The following TASOR variants were observed in gnomAD, a reference collection of about 807,000 sequenced individuals.
TASOR encodes the protein protein TASOR.
A neutral mutation model predicts 178.6 loss-of-function variants in TASOR; 53 were observed. The ratio of observed to expected loss-of-function variants is 0.30; its 90% CI spans 0.24 to 0.37. TASOR has a LOEUF of 0.37. TASOR is among the 10% of genes least tolerant of loss of function. The pLI is 1.00. For synonymous variants in TASOR, 713 were observed against 696.2 expected (o/e 1.02, Z -0.38); for missense variants, 1,815 against 1,971.4 (o/e 0.92, Z 1.50).
At chr3:56,656,917 G>T (rs904998115) in intron 11 of TASOR, among the ~76,000 whole-genome samples, 1 of 150,812 alleles carries the variant, frequency 6.6e-6, no homozygotes, top group African/African-American at 2.4e-5. Context: ...GGCTGATGCA[G>T]GAGAACTGCT....
chr3:56,648,170 G>A (rs189090605), intron 13 of TASOR, among the ~76,000 whole-genome samples: 4 of 152,102 alleles, frequency 2.6e-5, no homozygotes, highest in East Asian at 1.9e-4. Context: ...AGCCATGATC[G>A]CACCACTGCC....
At chr3:56,651,665 T>C (rs953824926) in intron 11 of TASOR, among the ~76,000 whole-genome samples, 3 of 150,512 alleles carry the variant, frequency 2.0e-5, no homozygotes, top group South Asian at 2.1e-4. Context: ...CCACGCACTA[T>C]AGCACCTCAG....
At chr3:56,646,252 T>C (rs966093170) in intron 14 of TASOR, among the ~76,000 whole-genome samples, 5 of 152,250 alleles carry the variant, frequency 3.3e-5, no homozygotes, top group African/African-American at 7.2e-5. Flanking sequence ...AGGGCAGGAA[T>C]TGTAAAGTGT....
At position 56,621,159 on chromosome 3, in the gene TASOR, C is replaced by CAAA. The variant is rs370427287; in HGVS notation, c.*1875_*1877dup. On this transcript the variant is annotated 3_prime_UTR_variant, in exon 24 of 24. Coordinates refer to ENST00000683822, the MANE Select transcript of TASOR (RefSeq NM_001365635.2). ...GGGCGACAGAGCGAGACTCCATCTC[C>CAAA]AAAAAAAAACAAAACAACAACAACA... 7.2e-3 allele frequency: 1,027 copies of CAAA among 142,622 alleles called. 15 individuals are homozygous for CAAA. Among genetic ancestry groups the CAAA allele is most frequent in the African/African-American group, 0.023 (896 of 38,404 alleles). 8.8% of individuals were successfully genotyped at this position (142,622 alleles called of 1,614,324 possible). A position where few individuals can be genotyped will look rare whatever the true frequency, so the allele number is the denominator to read the frequency against.
chr3:56,624,791 A>G lies in TASOR; in HGVS notation c.4318+37T>C, dbSNP rs368247313. ...ATAAAATCCTTTCATTCACATTCCT[A>G]TATTCATAGTAGAAAGCTTAGGAGT... On this transcript the variant is annotated intron_variant, in intron 22 of 23. Coordinates refer to ENST00000683822, the MANE Select transcript of TASOR (RefSeq NM_001365635.2). 3.4e-5 allele frequency: 54 copies of G among 1,600,430 alleles called. No homozygotes were observed. In the African/African-American group the frequency reaches 6.2e-4, roughly 18 times the overall value.
intron 14 of TASOR, among the ~76,000 whole-genome samples, chr3:56,645,452 A>G (rs1306387649): frequency 2.0e-5 from 3 of 152,244 alleles, no homozygotes; most frequent in South Asian, 2.1e-4. Context: ...AATAAAAAGC[A>G]TAAGAATATT....
chr3:56,674,571 T>C (rs2031102444), intron 1 of TASOR, among the ~76,000 whole-genome samples: 1 of 152,074 alleles, frequency 6.6e-6, no homozygotes, highest in Non-Finnish European at 1.5e-5. Context: ...CCACAAAAAG[T>C]AGTAGAACAT....
At chr3:56,652,556 T>TAA (rs11361541) in intron 11 of TASOR, among the ~76,000 whole-genome samples, 1 of 141,882 alleles carries the variant, frequency 7.0e-6, no homozygotes, top group Non-Finnish European at 1.5e-5. Context: ...CCTGCCTATT[T>TAA]AAAAAAAAAA....
At chr3:56,653,812 T>C (rs916946716) in intron 11 of TASOR, among the ~76,000 whole-genome samples, 1 of 151,804 alleles carries the variant, frequency 6.6e-6, no homozygotes, top group Non-Finnish European at 1.5e-5. Context: ...TATATCAAAG[T>C]TAAAAAAAAA....
intron 1 of TASOR, among the ~76,000 whole-genome samples, chr3:56,679,958 C>T (rs1242766618): frequency 6.6e-6 from 1 of 152,082 alleles, no homozygotes; most frequent in Non-Finnish European, 1.5e-5. Flanking sequence ...TCAGTACCAA[C>T]CAAATGTTGA....
chr3:56,669,379 T>C (rs1419275107), intron 5 of TASOR, among the ~76,000 whole-genome samples: 1 of 152,062 alleles, frequency 6.6e-6, no homozygotes, highest in East Asian at 1.9e-4. Context: ...GGCGGGCACT[T>C]GTAGTCCCAG....
At chr3:56,623,724 C>G in intron 23 of TASOR, 158 bp from the exon 24 acceptor site, 1 of 1,546,778 alleles carries the variant, frequency 6.5e-7, no homozygotes, top group Non-Finnish European at 8.7e-7. Flanking sequence ...AGTCACAACA[C>G]TCACACTAGA....
rs537302425 is a variant in TASOR at position 56,659,127 on chromosome 3, T to G, written c.1368+1604A>C. 8.9e-4 allele frequency among the ~76,000 whole-genome samples: 135 copies of G among 152,294 alleles called. 1 individual carries two copies. Among genetic ancestry groups the G allele is most frequent in the Non-Finnish European group, 1.1e-3 (77 of 68,030 alleles). On this transcript the variant is annotated intron_variant, in intron 11 of 23. Coordinates refer to ENST00000683822, the MANE Select transcript of TASOR (RefSeq NM_001365635.2). ...ATAAACAACAGACTGATTAAGCACA[T>G]ATATATGAAAATAATTAAATTCTAT...
intron 23 of TASOR, among the ~76,000 whole-genome samples, chr3:56,624,053 A>T (rs1214006961): frequency 6.6e-6 from 1 of 152,196 alleles, no homozygotes; most frequent in East Asian, 1.9e-4. Context: ...TAAAGCTATG[A>T]CAGCTCTACT....
Position 56,633,860 on chromosome 3 carries a change from T to C in TASOR, c.2931A>G (p.Pro977=), listed in dbSNP as rs373402142. Residue 977 remains proline (P), a synonymous_variant, in exon 18 of 24, where the codon CCA becomes CCG. Coordinates refer to ENST00000683822, the MANE Select transcript of TASOR (RefSeq NM_001365635.2). ...TTAGTGTGTCTGTAAATGGAGAGGA[T>C]GGAAACTGGTAATCAGAACTTCTCT... is the stretch of plus-strand genomic sequence containing the variant. ...NRQRSSDYQF[P]SSPFTDTLKG... 10 of 1,612,640 alleles carry C rather than the reference T, an allele frequency of 6.2e-6. No homozygotes were observed. The highest frequency in any genetic ancestry group is 8.5e-6 in the Non-Finnish European group (10 of 1,179,390).
intron 17 of TASOR, among the ~76,000 whole-genome samples, 190 bp from the exon 18 acceptor site, chr3:56,634,156 T>TA (rs1379272024): frequency 6.6e-6 from 1 of 152,216 alleles, no homozygotes; most frequent in African/African-American, 2.4e-5. Flanking sequence ...GGATGGTCCT[T>TA]AGAGTTGTAG....
At chr3:56,630,461 T>C (rs1352306451) in intron 18 of TASOR, among the ~76,000 whole-genome samples, 1 of 152,348 alleles carries the variant, frequency 6.6e-6, no homozygotes, top group Admixed American at 6.5e-5. Context: ...AATGCTCTTT[T>C]ATTCTATATA....
In TASOR at chr3:56,668,682, C is replaced by T. The variant is rs796652417; in HGVS notation, c.736-124G>A. The T allele has an allele frequency of 6.6e-6, 5 of 758,518 alleles. No homozygotes were observed. In the South Asian group the frequency reaches 8.3e-5, roughly 13 times the overall value. 47.0% of individuals were successfully genotyped at this position (758,518 alleles called of 1,614,324 possible). A position where few individuals can be genotyped will look rare whatever the true frequency, so the allele number is the denominator to read the frequency against. ...CCCAACCATTTTTTCCCTTTAATAT[C>T]TCACAGAACAGCTGGGCGCGGTGAC... On this transcript the variant is annotated intron_variant, in intron 5 of 23. Transcript: ENST00000683822.
At chr3:56,675,932 A>G (rs534712066) in intron 1 of TASOR, among the ~76,000 whole-genome samples, 1 of 152,342 alleles carries the variant, frequency 6.6e-6, no homozygotes, top group Admixed American at 6.5e-5. Flanking sequence ...CGTAGTTTTC[A>G]ATGGCACAAT....
Sources: allele counts gnomAD v4.1 joint callset (sites outside exome capture counted in the v4.1 genomes callset), GRCh38; gene constraint gnomAD v4.1.1; transcripts MANE v1.5; gene names NCBI Gene and HGNC (gene_info 2026-07-23, HGNC 2026-07-21).